The following PTPRZ1 variants were observed in gnomAD, a reference collection of about 807,000 sequenced individuals.
PTPRZ1 encodes the protein protein tyrosine phosphatase receptor type Z1.
A neutral mutation model predicts 214.1 loss-of-function variants in PTPRZ1; 82 were observed. The ratio of observed to expected loss-of-function variants is 0.38; its 90% CI spans 0.32 to 0.46. The LOEUF is 0.46. Ranked by LOEUF, PTPRZ1 falls within the 20% of genes least tolerant of loss-of-function variation. The pLI is 1.00. For missense variants in PTPRZ1, 2,603 were observed against 2,748.7 expected, an observed-to-expected ratio of 0.95 and a Z score of 1.19; for synonymous variants, 945 against 987.9, an observed-to-expected ratio of 0.96 and a Z score of 0.81.
intron 1 of PTPRZ1, among the ~76,000 whole-genome samples, chr7:121,880,363 T>C (rs1253409696): frequency 6.6e-6 from 1 of 152,200 alleles, no homozygotes; most frequent in African/African-American, 2.4e-5. Context: ...GATTTTCTGT[T>C]AGAATATCCA....
chr7:121,948,026 G>A (rs989550929), intron 2 of PTPRZ1, among the ~76,000 whole-genome samples: 1 of 151,998 alleles, frequency 6.6e-6, no homozygotes, highest in African/African-American at 2.4e-5. Flanking sequence ...TGTTATTTTA[G>A]TTATTCTGAA....
intron 1 of PTPRZ1, among the ~76,000 whole-genome samples, chr7:121,875,431 T>C (rs894425018): frequency 1.3e-5 from 2 of 152,270 alleles, no homozygotes; most frequent in African/African-American, 4.8e-5. Context: ...ATATACTAAA[T>C]ATATCACATT....
intron 9 of PTPRZ1, 45 bp from the exon 10 acceptor site, chr7:121,997,835 C>G (rs367831245): frequency 6.4e-7 from 1 of 1,550,588 alleles, no homozygotes; most frequent in Non-Finnish European, 8.8e-7. Context: ...TGTTGGTAGT[C>G]CTATGAGAAT....
In PTPRZ1 at chr7:122,013,123, A is replaced by C. The variant is rs61732006; in HGVS notation, c.4077A>C (p.Thr1359=). The C allele has an allele frequency of 1.9e-6, 3 of 1,613,964 alleles. No individual in the cohort carries two copies. The highest frequency in any genetic ancestry group is 1.7e-6 in the Non-Finnish European group (2 of 1,179,874). Residue 1359 remains threonine (T), a synonymous_variant, in exon 12 of 30, where the codon ACA becomes ACC. Transcript: ENST00000393386. ...FAGIPTVASD[T]FVSTDHSVPI... ...GTATTCCAACAGTTGCTTCTGATAC[A>C]TTTGTATCTACTGATCATTCTGTTC...
chr7:122,000,646 CATATATATATATATATATATATAT>C (rs60953788), intron 10 of PTPRZ1, among the ~76,000 whole-genome samples: 544 of 51,708 alleles, frequency 0.011, 18 homozygotes, highest in African/African-American at 0.039. Context: ...TGATAGATTT[CATATATATATATATATATATATAT>C]ATATATATAT....
chr7:122,025,117 G>C (rs972544082), intron 13 of PTPRZ1, among the ~76,000 whole-genome samples: 2 of 152,062 alleles, frequency 1.3e-5, no homozygotes, highest in Non-Finnish European at 2.9e-5. Context: ...ACAGTATTAA[G>C]AGTTGGGTTT....
At chr7:122,021,805 T>C (rs1799024608) in intron 13 of PTPRZ1, among the ~76,000 whole-genome samples, 1 of 152,186 alleles carries the variant, frequency 6.6e-6, no homozygotes, top group East Asian at 1.9e-4. Context: ...CTGATAAAAA[T>C]TGTCAATCTT....
intron 4 of PTPRZ1, among the ~76,000 whole-genome samples, chr7:121,973,390 C>G (rs1797316610): frequency 6.6e-6 from 1 of 151,670 alleles, no homozygotes; most frequent in South Asian, 2.1e-4. Context: ...GTGGTATAAC[C>G]AGTATTATTT....
At chr7:122,041,419 A>G (rs1427108912) in intron 21 of PTPRZ1, among the ~76,000 whole-genome samples, 1 of 150,792 alleles carries the variant, frequency 6.6e-6, no homozygotes, top group African/African-American at 2.4e-5. Flanking sequence ...ATTGTGAGAA[A>G]TTTGGCAAAA....
intron 8 of PTPRZ1, among the ~76,000 whole-genome samples, chr7:121,984,653 A>T (rs941885471): frequency 5.3e-5 from 8 of 152,126 alleles, no homozygotes; most frequent in African/African-American, 1.7e-4. Flanking sequence ...TACTGAAAAT[A>T]AATGCACTGA....
chr7:122,021,537 A>T (rs1799016790), intron 13 of PTPRZ1, among the ~76,000 whole-genome samples: 1 of 152,134 alleles, frequency 6.6e-6, no homozygotes, highest in Non-Finnish European at 1.5e-5. Flanking sequence ...GTTTGAGACC[A>T]GCCCAGGAAA....
At chr7:121,988,403 C>T (rs1797835096) in intron 8 of PTPRZ1, among the ~76,000 whole-genome samples, 1 of 152,128 alleles carries the variant, frequency 6.6e-6, no homozygotes, top group African/African-American at 2.4e-5. Flanking sequence ...CTCATCCATA[C>T]AGTTACATAT....
chr7:121,939,429 C>G (rs1796179911), intron 2 of PTPRZ1, among the ~76,000 whole-genome samples: 1 of 152,058 alleles, frequency 6.6e-6, no homozygotes, highest in African/African-American at 2.4e-5. Flanking sequence ...ATTAGCATAT[C>G]TAGGAAGTAA....
rs918481225 is a variant in PTPRZ1, at chr7:121,934,436, C to G, written c.124+6215C>G. 4.3e-5 allele frequency among the ~76,000 whole-genome samples: 6 copies of G among 139,030 alleles called. No individual in the cohort carries two copies. The East Asian group carries it at 6.5e-4, about 15-fold the overall frequency. The allele number at this position is 139,030 out of a possible 152,430, so 91.2% of individuals were successfully genotyped here. A position where few individuals can be genotyped will look rare whatever the true frequency, so the allele number is the denominator to read the frequency against. ...TCTGCATTTCGAGCTTGCAGTGAGC[C>G]GAGATCGCGCCACTGCACTCTAGCC... On this transcript the variant is annotated intron_variant, in intron 2 of 29. Coordinates refer to ENST00000393386, the MANE Select transcript of PTPRZ1 (RefSeq NM_002851.3).
intron 23 of PTPRZ1, among the ~76,000 whole-genome samples, chr7:122,048,576 G>T (rs1250508091): frequency 6.6e-6 from 1 of 152,056 alleles, no homozygotes; most frequent in Non-Finnish European, 1.5e-5. Flanking sequence ...ATTATGCATT[G>T]TATGCCTGCA....
intron 2 of PTPRZ1, among the ~76,000 whole-genome samples, chr7:121,944,806 C>A (rs917654928): frequency 6.6e-6 from 1 of 152,034 alleles, no homozygotes; most frequent in Non-Finnish European, 1.5e-5. Context: ...CCATGTCCAG[C>A]TAATTTTTAT....
intron 11 of PTPRZ1, among the ~76,000 whole-genome samples, chr7:122,008,660 T>C (rs535934117): frequency 7.6e-4 from 115 of 152,012 alleles, no homozygotes; most frequent in Non-Finnish European, 1.5e-3. Context: ...GAGGAAAGGA[T>C]AGGAAAATGA....
At chr7:121,905,710 A>G (rs1437083669) in intron 1 of PTPRZ1, among the ~76,000 whole-genome samples, 1 of 143,484 alleles carries the variant, frequency 7.0e-6, no homozygotes, top group Non-Finnish European at 1.5e-5. Flanking sequence ...AAGGTGAAAG[A>G]AAAAGAAGGG....
intron 8 of PTPRZ1, among the ~76,000 whole-genome samples, chr7:121,990,633 C>T (rs938371242): frequency 1.3e-5 from 2 of 148,602 alleles, no homozygotes; most frequent in African/African-American, 5.0e-5. Context: ...GATTCTCCTG[C>T]GTCAGCCTCC....
Sources: allele counts gnomAD v4.1 joint callset (sites outside exome capture counted in the v4.1 genomes callset), GRCh38; gene constraint gnomAD v4.1.1; transcripts MANE v1.5; gene names NCBI Gene and HGNC (gene_info 2026-07-23, HGNC 2026-07-21).